Variants in DAPK2 observed in about 807,000 individuals in gnomAD.
DAPK2 encodes the protein death-associated protein kinase 2.
Under a neutral mutation model 44.1 loss-of-function variants are expected in DAPK2, and 35 were observed. That is an observed-to-expected ratio of 0.79 (90% CI 0.61 to 1.05). DAPK2 has a LOEUF of 1.05. Ranked by LOEUF, DAPK2 falls within the 50% of genes least tolerant of loss-of-function variation. DAPK2 has a pLI of 0.00. For missense variants in DAPK2, 453 were observed against 483.2 expected (o/e 0.94, Z 0.59); for synonymous variants, 174 against 182.6 (o/e 0.95, Z 0.38).
At chr15:64,033,325 G>GAAGGAAGGAAGGAAGGAAGGA (rs1438177286) in intron 1 of DAPK2, among the ~76,000 whole-genome samples, 22 of 137,244 alleles carry the variant, frequency 1.6e-4, no homozygotes, top group African/African-American at 4.4e-4. Context: ...AGGAAGGAAG[G>GAAGGAAGGAAGGAAGGAAGGA]AAAAAAAAAA....
intron 1 of DAPK2, among the ~76,000 whole-genome samples, chr15:63,993,623 A>C (rs2078873818): frequency 6.6e-6 from 1 of 152,038 alleles, no homozygotes; most frequent in Admixed American, 6.6e-5. Flanking sequence ...GAAAATGCCC[A>C]AGATTGCTTG....
upstream of DAPK2, among the ~76,000 whole-genome samples, chr15:64,044,215 C>G (rs563578353): frequency 3.3e-5 from 5 of 152,276 alleles, no homozygotes; most frequent in Non-Finnish European, 7.4e-5. Context: ...CAGATGCTCC[C>G]AGGATGATAC....
In DAPK2 at chr15:64,046,141, C is replaced by A. The variant is rs1287278752; in HGVS notation, c.-7+157G>T. ...CCGCGCTCGGGTGCCGGCCACAATGCCCCGGGCCACGGCGTCAGGCATTGG... is the reference window on the plus strand; with the variant it reads ...CCGCGCTCGGGTGCCGGCCACAATGACCCGGGCCACGGCGTCAGGCATTGG... On this transcript the variant is annotated intron_variant, in intron 1 of 11. Transcript: ENST00000457488. The surrounding 1 kb of genome is among the most constrained non-coding windows in gnomAD (Gnocchi z 5.3). Among the ~76,000 whole-genome samples, 3 of 152,034 alleles carry A rather than the reference C, an allele frequency of 2.0e-5. No homozygotes were observed. The highest frequency in any genetic ancestry group is 7.2e-5 in the African/African-American group (3 of 41,416).
rs137972615 is a variant in DAPK2 at position 63,910,192 on chromosome 15, C to T, written c.1033-1592G>A. ...AGACGAGGAAAGCAGCCAGAGCCGGCACAGGGCTTGGCCAAAGCCACACAG... is the reference window on the plus strand; with the variant it reads ...AGACGAGGAAAGCAGCCAGAGCCGGTACAGGGCTTGGCCAAAGCCACACAG... On this transcript the variant is annotated intron_variant, in intron 10 of 10. Coordinates refer to ENST00000261891, the Ensembl canonical transcript of DAPK2. 2.0e-4 allele frequency among the ~76,000 whole-genome samples: 30 copies of T among 152,378 alleles called. No individual in the cohort carries two copies. In the East Asian group the frequency reaches 5.6e-3, roughly 28 times the overall value.
intron 1 of DAPK2, among the ~76,000 whole-genome samples, chr15:64,019,376 G>A (rs1053370274): frequency 6.6e-6 from 1 of 152,176 alleles, no homozygotes; most frequent in East Asian, 1.9e-4. Flanking sequence ...GGATTTATTC[G>A]GAAGAGTAGC....
intron 3 of DAPK2, among the ~76,000 whole-genome samples, chr15:63,959,199 T>A (rs1056739079): frequency 6.6e-6 from 1 of 152,158 alleles, no homozygotes; most frequent in African/African-American, 2.4e-5. Flanking sequence ...TTTGCACATT[T>A]ATTTTGTATC....
At chr15:63,986,485 T>C (rs1180236540) in intron 1 of DAPK2, among the ~76,000 whole-genome samples, 1 of 152,112 alleles carries the variant, frequency 6.6e-6, no homozygotes, top group African/African-American at 2.4e-5. Context: ...AGGGCAGTGG[T>C]GTGATCATAA....
chr15:63,965,300 T>A (rs1209693503), intron 3 of DAPK2, among the ~76,000 whole-genome samples: 1 of 152,250 alleles, frequency 6.6e-6, no homozygotes, highest in African/African-American at 2.4e-5. Context: ...CCTTACTTTC[T>A]TCCAAATAAA....
intron 4 of DAPK2, chr15:63,932,740 C>T (rs952321833): frequency 6.6e-6 from 1 of 152,106 alleles, no homozygotes; most frequent in Non-Finnish European, 1.5e-5. Context: ...CCCTCCTGTC[C>T]TCTTGCATCC....
chr15:63,958,640 G>T (rs2077796177), intron 3 of DAPK2, among the ~76,000 whole-genome samples: 1 of 152,094 alleles, frequency 6.6e-6, no homozygotes, highest in Non-Finnish European at 1.5e-5. Context: ...TTTTTGTCAG[G>T]TTTGTCAAAG....
At chr15:64,002,957 T>TCGTGGGAC (rs59356576) in intron 1 of DAPK2, among the ~76,000 whole-genome samples, 8 of 111,264 alleles carry the variant, frequency 7.2e-5, no homozygotes, top group African/African-American at 2.7e-4. Context: ...TGTGTGTGTG[T>TCGTGGGAC]GTGTGTGTCG....
rs1316050524 is a variant in DAPK2 at position 63,923,280 on chromosome 15, G to A, written c.858+1536C>T. The stretch of plus-strand genomic sequence containing the variant: ...CATTTGAGAGTGTACTCTCTCAGGT[G>A]CTTGGTCTTCAGCTGGGTGGGCTCT... On this transcript the variant is annotated intron_variant, in intron 8 of 10. Coordinates refer to ENST00000261891, the Ensembl canonical transcript of DAPK2. The surrounding 1 kb of genome is among the most constrained non-coding windows in gnomAD (Gnocchi z 4.2). The A allele has an allele frequency of 3.9e-6, 6 of 1,535,838 alleles. No individual in the cohort carries two copies. The highest frequency in any genetic ancestry group is 1.4e-5 in the African/African-American group (1 of 73,046).
chr15:64,008,342 C>T (rs960563231), intron 1 of DAPK2, among the ~76,000 whole-genome samples: 6 of 152,200 alleles, frequency 3.9e-5, no homozygotes, highest in African/African-American at 1.4e-4. Context: ...ACACCCTGCA[C>T]AGTCAGTGCT....
At chr15:64,042,706 C>T (rs967573589), upstream of DAPK2, among the ~76,000 whole-genome samples, 1 of 152,216 alleles carries the variant, frequency 6.6e-6, no homozygotes, top group African/African-American at 2.4e-5. The surrounding 1 kb of genome is among the most constrained non-coding windows in gnomAD (Gnocchi z 4.7). Flanking sequence ...CCTTATATAT[C>T]CTATATTCCA....
Position 63,923,157 on chromosome 15 carries a change from G to A in DAPK2, c.858+1659C>T. 6.5e-7 allele frequency: 1 copy of A among 1,535,826 alleles called. No individual in the cohort carries two copies. On this transcript the variant is annotated intron_variant, in intron 8 of 10. Transcript: ENST00000261891. The surrounding 1 kb of genome is among the most constrained non-coding windows in gnomAD (Gnocchi z 4.2). ...TGGATGGTATCGTGGGCCTCCACCA[G>A]GGCACGGCATCCCAGGTCGACCCGA...
intron 4 of DAPK2, among the ~76,000 whole-genome samples, chr15:63,937,508 C>A (rs1045170534): frequency 6.6e-6 from 1 of 152,192 alleles, no homozygotes; most frequent in African/African-American, 2.4e-5. Context: ...AAATGCCTTA[C>A]TCTGGCCTTA....
At chr15:63,973,853 C>G (rs1313061998) in intron 2 of DAPK2, among the ~76,000 whole-genome samples, 1 of 152,172 alleles carries the variant, frequency 6.6e-6, no homozygotes, top group Non-Finnish European at 1.5e-5. Context: ...AGCCTTGCCA[C>G]TGACCTTGGA....
At chr15:64,030,979 TACACACACACACACACAC>T (rs71131201) in intron 1 of DAPK2, among the ~76,000 whole-genome samples, 7 of 140,186 alleles carry the variant, frequency 5.0e-5, no homozygotes, top group Admixed American at 2.9e-4. Context: ...AATACACACA[TACACACACACACACACAC>T]ACACACACAC....
chr15:63,986,502 G>A (rs943592163), intron 1 of DAPK2, among the ~76,000 whole-genome samples: 3 of 152,108 alleles, frequency 2.0e-5, no homozygotes, highest in Admixed American at 1.3e-4. Context: ...ATAACTCACT[G>A]CAGCCTCAAA....
Sources: gnomAD v4.1 joint callset for allele counts (sites outside exome capture counted in the v4.1 genomes callset) on GRCh38, gnomAD v4.1.1 for gene constraint, Gnocchi (gnomAD v3.1) non-coding constraint, MANE v1.5 for transcripts, NCBI Gene and HGNC (gene_info 2026-07-23, HGNC 2026-07-21) for gene names.